The following SLC20A2 variants were observed in gnomAD, a reference collection of about 807,000 sequenced individuals.
SLC20A2 encodes solute carrier family 20 member 2.
SLC20A2 carries 30 observed loss-of-function variants against 61.0 expected under a neutral mutation model. The ratio of observed to expected loss-of-function variants is 0.49; its 90% CI spans 0.37 to 0.67. The LOEUF (loss-of-function observed/expected upper bound fraction) is 0.67, where lower values mean the gene tolerates loss of function less well. Among genes scored for constraint, SLC20A2 ranks in the 30% least tolerant of loss-of-function variants. The pLI is 0.00. For missense variants in SLC20A2, 626 were observed against 866.4 expected, an observed-to-expected ratio of 0.72 and a Z score of 3.48; for synonymous variants, 351 against 353.3, an observed-to-expected ratio of 0.99 and a Z score of 0.07.
At chr8:42,488,180 CTTTTTTTTT>C in intron 1 of SLC20A2, among the ~76,000 whole-genome samples, 1 of 87,014 alleles carries the variant, frequency 1.1e-5, no homozygotes, top group South Asian at 4.4e-4. Flanking sequence ...AATAATACTG[CTTTTTTTTT>C]TTTTTTTTTT....
At chr8:42,505,429 G>A (rs779439363), upstream of SLC20A2, among the ~76,000 whole-genome samples, 10 of 152,208 alleles carry the variant, frequency 6.6e-5, no homozygotes, top group Non-Finnish European at 1.3e-4. Context: ...CACCATGCCT[G>A]ACCCCTCATT....
At position 42,453,362 on chromosome 8, in the gene SLC20A2, G is replaced by A. The variant is rs577600868; in HGVS notation, c.613+6534C>T. The stretch of plus-strand genomic sequence containing the variant: ...TGCAAAGACAATTTTTTAAAAGTGC[G>A]AACTTAGTCTTTGAAGTGTAAGAAT... On this transcript the variant is annotated intron_variant, in intron 5 of 10. Transcript: ENST00000520262. Among the ~76,000 whole-genome samples, 4 of 152,230 alleles carry A rather than the reference G, an allele frequency of 2.6e-5. No homozygotes were observed. The East Asian group carries it at 5.8e-4, about 22-fold the overall frequency.
chr8:42,464,841 G>A (rs1240124309), intron 3 of SLC20A2, among the ~76,000 whole-genome samples: 3 of 151,888 alleles, frequency 2.0e-5, no homozygotes, highest in African/African-American at 4.8e-5. Flanking sequence ...TGGGCGTGGT[G>A]GCATGTGCCT....
intron 1 of SLC20A2, among the ~76,000 whole-genome samples, chr8:42,538,804 C>T (rs1379030867): frequency 6.6e-6 from 1 of 152,210 alleles, no homozygotes; most frequent in Non-Finnish European, 1.5e-5. Flanking sequence ...CTCACTATGG[C>T]TTTCCAACAG....
chr8:42,508,814 A>G (rs1392790610), intron 1 of SLC20A2, among the ~76,000 whole-genome samples: 3 of 152,232 alleles, frequency 2.0e-5, no homozygotes, highest in Non-Finnish European at 4.4e-5. Context: ...ATGTTTGTCT[A>G]GGGGACAGCT....
intron 2 of SLC20A2, chr8:42,470,988 AAAG>A: frequency 1.4e-5 from 5 of 348,798 alleles, no homozygotes; most frequent in South Asian, 2.3e-5. Flanking sequence ...AAAAAAAAAA[AAAG>A]AAAAGAAAAA....
Position 42,417,233 on chromosome 8 carries a change from C to A in SLC20A2, c.*570G>T, listed in dbSNP as rs1803657. 0.084 allele frequency: 12,816 copies of A among 153,296 alleles called. 1,734 individuals are homozygous for A. The highest frequency in any genetic ancestry group is 0.28 in the African/African-American group (11,762 of 41,452). The allele number at this position is 153,296 out of a possible 1,614,324, so 9.5% of individuals were successfully genotyped here. ...CAACAATCAATACACAGTATATGAA[C>A]AAATCTTCAGTGAAAGCACTTGTGA... On this transcript the variant is annotated 3_prime_UTR_variant, in exon 11 of 11. Transcript: ENST00000520262.
At chr8:42,452,914 G>A (rs1322278516) in intron 5 of SLC20A2, among the ~76,000 whole-genome samples, 1 of 152,162 alleles carries the variant, frequency 6.6e-6, no homozygotes, top group Admixed American at 6.5e-5. Flanking sequence ...ACGGTAATGA[G>A]GAAGCCACGT....
chr8:42,437,912 C>T lies in SLC20A2; in HGVS notation c.935-335G>A, dbSNP rs1340230905. Reference sequence around the variant, plus strand: ...TACAAGCGTGAGCCAACGTGCCCAGCCCCAGCCTTTCGAATATAAGCGAAG... The same window carrying T: ...TACAAGCGTGAGCCAACGTGCCCAGTCCCAGCCTTTCGAATATAAGCGAAG... On this transcript the variant is annotated intron_variant, in intron 7 of 10. Coordinates refer to ENST00000520262, the MANE Select transcript of SLC20A2 (RefSeq NM_001257180.2). This position sits in a 1 kb window ranked among gnomAD's most constrained non-coding sequence, Gnocchi z 6.4. Among the ~76,000 whole-genome samples, 1 of 151,774 alleles carries T rather than the reference C, an allele frequency of 6.6e-6. No individual in the cohort carries two copies. Among genetic ancestry groups the T allele is most frequent in the African/African-American group, 2.4e-5 (1 of 41,338 alleles).
intron 4 of SLC20A2, chr8:42,460,235 T>C (rs1461848062): frequency 2.7e-6 from 1 of 375,088 alleles, no homozygotes. Context: ...AGCAGACACA[T>C]TAAAGCCCTG....
At chr8:42,453,599 T>C (rs1049907015) in intron 5 of SLC20A2, among the ~76,000 whole-genome samples, 22 of 152,322 alleles carry the variant, frequency 1.4e-4, no homozygotes, top group African/African-American at 4.6e-4. Flanking sequence ...AAAGTCTACA[T>C]TGAAGGACAA....
intron 1 of SLC20A2, among the ~76,000 whole-genome samples, chr8:42,489,961 G>A (rs564433548): frequency 5.9e-5 from 9 of 152,274 alleles, no homozygotes; most frequent in East Asian, 3.9e-4. Context: ...TCACAAAACT[G>A]TACACCAGAA....
intron 3 of SLC20A2, chr8:42,463,360 G>T: frequency 3.8e-6 from 1 of 266,618 alleles, no homozygotes; most frequent in Non-Finnish European, 7.0e-6. Context: ...CCAAGCTCGG[G>T]CCTCAGAAGA....
chr8:42,419,908 C>T (rs1228745503), intron 10 of SLC20A2, among the ~76,000 whole-genome samples: 1 of 152,202 alleles, frequency 6.6e-6, no homozygotes, highest in Non-Finnish European at 1.5e-5. Flanking sequence ...AAATTGTCGG[C>T]CAGGTGCAGT....
chr8:42,464,219 C>T (rs1806965681), intron 3 of SLC20A2, among the ~76,000 whole-genome samples: 1 of 147,730 alleles, frequency 6.8e-6, no homozygotes, highest in Non-Finnish European at 1.5e-5. Flanking sequence ...GTGATCCTCC[C>T]ACCTCAGCCT....
At chr8:42,432,815 A>AT (rs1262038581) in intron 8 of SLC20A2, among the ~76,000 whole-genome samples, 1 of 152,238 alleles carries the variant, frequency 6.6e-6, no homozygotes, top group Admixed American at 6.5e-5. Flanking sequence ...GTATTTTCAA[A>AT]TTAAGGTATG....
In SLC20A2 at chr8:42,471,303, G is replaced by C; in HGVS notation, c.289+799C>G. 1.6e-5 allele frequency: 7 copies of C among 446,534 alleles called. No individual in the cohort carries two copies. In the Admixed American group the frequency reaches 1.7e-4, roughly 11 times the overall value. 27.7% of individuals were successfully genotyped at this position (446,534 alleles called of 1,614,324 possible). A position where few individuals can be genotyped will look rare whatever the true frequency, so the allele number is the denominator to read the frequency against. ...CGAGGGCAGTGATGGGAAGACCCAC[G>C]GGGCCGAGATCTGTGTCCGCTTAGG... On this transcript the variant is annotated intron_variant, in intron 2 of 10. Coordinates refer to ENST00000520262, the MANE Select transcript of SLC20A2 (RefSeq NM_001257180.2).
At chr8:42,508,870 A>G (rs1810875062) in intron 1 of SLC20A2, among the ~76,000 whole-genome samples, 1 of 152,242 alleles carries the variant, frequency 6.6e-6, no homozygotes, top group Non-Finnish European at 1.5e-5. Context: ...TTTGATGACT[A>G]AATTACTTAA....
intron 4 of SLC20A2, among the ~76,000 whole-genome samples, chr8:42,461,186 C>T (rs1057097557): frequency 2.0e-5 from 3 of 152,120 alleles, no homozygotes; most frequent in East Asian, 1.9e-4. Context: ...GGGGAGGCAG[C>T]CATGTGGCAA....
Sources: allele counts gnomAD v4.1 joint callset (sites outside exome capture counted in the v4.1 genomes callset), GRCh38; gene constraint gnomAD v4.1.1; non-coding constraint Gnocchi (gnomAD v3.1); transcripts MANE v1.5; gene names NCBI Gene and HGNC (gene_info 2026-07-23, HGNC 2026-07-21).